CENPP: variants seen among roughly 807,000 people sequenced by gnomAD.
CENPP encodes the protein centromere protein P.
CENPP carries 24 observed loss-of-function variants against 35.6 expected under a neutral mutation model. The ratio of observed to expected loss-of-function variants is 0.67; its 90% CI spans 0.49 to 0.95. CENPP has a LOEUF of 0.95. CENPP is among the 40% of genes least tolerant of loss of function. The probability of loss-of-function intolerance (pLI) is 0.00; values close to 1 mark genes in which losing one functional copy is unlikely to be tolerated. For synonymous variants in CENPP, 120 were observed against 125.5 expected, an observed-to-expected ratio of 0.96 and a Z score of 0.29; for missense variants, 332 against 345.3, an observed-to-expected ratio of 0.96 and a Z score of 0.31.
intron 5 of CENPP, among the ~76,000 whole-genome samples, chr9:92,558,921 G>A (rs1022967094): frequency 6.6e-6 from 1 of 152,112 alleles, no homozygotes; most frequent in Non-Finnish European, 1.5e-5. Flanking sequence ...GGGGAAAGCC[G>A]GCAGTCACAG....
At chr9:92,373,725 C>G (rs1029159793) in intron 4 of CENPP, among the ~76,000 whole-genome samples, 1 of 152,084 alleles carries the variant, frequency 6.6e-6, no homozygotes, top group Admixed American at 6.5e-5. Flanking sequence ...ACTCGGGAGG[C>G]TGAGGCAAGA....
intron 5 of CENPP, among the ~76,000 whole-genome samples, chr9:92,603,132 A>C (rs1000816217): frequency 6.6e-6 from 1 of 152,216 alleles, no homozygotes; most frequent in Non-Finnish European, 1.5e-5. Flanking sequence ...AGAGAGTTTA[A>C]AAGGGATTTC....
chr9:92,619,804 G>A lies in CENPP; in HGVS notation c.*6655G>A, dbSNP rs1851569079. 4 of 544,288 alleles carry A rather than the reference G, an allele frequency of 7.3e-6. No individual in the cohort carries two copies. Among genetic ancestry groups the A allele is most frequent in the East Asian group, 3.0e-5 (1 of 33,118 alleles). The allele number at this position is 544,288 out of a possible 1,614,324, so 33.7% of individuals were successfully genotyped here. A position where few individuals can be genotyped will look rare whatever the true frequency, so the allele number is the denominator to read the frequency against. On this transcript the variant is annotated 3_prime_UTR_variant, in exon 8 of 8. Transcript: ENST00000375587. ...CCAGCACCGCCCCCTGACCTCTCAC[G>A]GCAAGCAGTGTGGGACCCCGACTCC... is the stretch of plus-strand genomic sequence containing the variant.
chr9:92,522,960 A>G, intron 5 of CENPP: 1 of 1,408,186 alleles, frequency 7.1e-7, no homozygotes, highest in Non-Finnish European at 9.4e-7. Context: ...TGGCTTATAT[A>G]TTTGCTTGTA....
At chr9:92,547,180 A>G (rs926452752) in intron 5 of CENPP, among the ~76,000 whole-genome samples, 12 of 152,256 alleles carry the variant, frequency 7.9e-5, no homozygotes, top group Non-Finnish European at 1.6e-4. Flanking sequence ...ATAAAATTCA[A>G]CAGCCATTAG....
chr9:92,386,022 T>C (rs1307439853), intron 5 of CENPP, among the ~76,000 whole-genome samples: 2 of 152,190 alleles, frequency 1.3e-5, no homozygotes, highest in Non-Finnish European at 2.9e-5. Flanking sequence ...GAATCTGGAC[T>C]TCTGGGAAGA....
At chr9:92,455,081 T>C (rs1019731344) in intron 5 of CENPP, among the ~76,000 whole-genome samples, 5 of 152,198 alleles carry the variant, frequency 3.3e-5, no homozygotes, top group Non-Finnish European at 5.9e-5. Context: ...TCTGGAGAAA[T>C]TGTTGTTTGT....
At chr9:92,382,247 C>T (rs534167534) in intron 5 of CENPP, among the ~76,000 whole-genome samples, 59 of 151,852 alleles carry the variant, frequency 3.9e-4, no homozygotes, top group African/African-American at 1.4e-3. Flanking sequence ...AATTTTTAAT[C>T]GACTAATAGT....
chr9:92,570,441 G>T (rs999145132), intron 5 of CENPP, among the ~76,000 whole-genome samples: 1 of 152,140 alleles, frequency 6.6e-6, no homozygotes, highest in Admixed American at 6.5e-5. Context: ...CTTGATCATG[G>T]TGGATAAGCT....
intron 4 of CENPP, among the ~76,000 whole-genome samples, chr9:92,352,419 C>A (rs900829003): frequency 1.6e-4 from 22 of 140,152 alleles, no homozygotes; most frequent in African/African-American, 5.0e-4. Flanking sequence ...TGAATCTGTC[C>A]CATTGAGAGA....
At chr9:92,554,413 C>T (rs1246908856) in intron 5 of CENPP, among the ~76,000 whole-genome samples, 1 of 152,118 alleles carries the variant, frequency 6.6e-6, no homozygotes, top group Non-Finnish European at 1.5e-5. Flanking sequence ...GAACTCCTGA[C>T]CTCAGGTGAT....
At chr9:92,392,944 CTT>C (rs1366910944) in intron 5 of CENPP, 4 of 624,644 alleles carry the variant, frequency 6.4e-6, no homozygotes, top group Non-Finnish European at 1.1e-5. Flanking sequence ...AATGAATGGA[CTT>C]TTGTGAAACA....
chr9:92,392,446 AC>A (rs759321554), intron 5 of CENPP, among the ~76,000 whole-genome samples: 4 of 152,086 alleles, frequency 2.6e-5, no homozygotes, highest in Non-Finnish European at 5.9e-5. Flanking sequence ...ACATGGTGAA[AC>A]CCCATCTCTA....
intron 5 of CENPP, among the ~76,000 whole-genome samples, chr9:92,390,594 G>GCGCA (rs1467854266): frequency 6.6e-6 from 1 of 152,104 alleles, no homozygotes; most frequent in African/African-American, 2.4e-5. Context: ...GTGTGCGCGC[G>GCGCA]CGCGTACTTG....
chr9:92,599,274 A>C (rs1850851332), intron 5 of CENPP, among the ~76,000 whole-genome samples: 1 of 151,808 alleles, frequency 6.6e-6, no homozygotes, highest in Non-Finnish European at 1.5e-5. Flanking sequence ...TGAAAAGAAA[A>C]AGAAAAAAGT....
intron 5 of CENPP, among the ~76,000 whole-genome samples, chr9:92,541,030 G>T (rs1297669865): frequency 1.3e-5 from 2 of 151,954 alleles, no homozygotes; most frequent in African/African-American, 2.4e-5. Context: ...GGGAGGCCGA[G>T]GTGGGCAGAT....
intron 5 of CENPP, among the ~76,000 whole-genome samples, chr9:92,471,544 A>G (rs770053482): frequency 6.6e-6 from 1 of 152,104 alleles, no homozygotes; most frequent in Non-Finnish European, 1.5e-5. Context: ...TAGAAAATGG[A>G]AAAATTAGAT....
intron 5 of CENPP, chr9:92,385,736 T>C (rs1842392076): frequency 6.2e-7 from 1 of 1,614,164 alleles, no homozygotes; most frequent in Non-Finnish European, 8.5e-7. Context: ...CGGATGTAAC[T>C]GGTGTCATTA....
chr9:92,509,631 TAAA>T (rs1385178953), intron 5 of CENPP, among the ~76,000 whole-genome samples: 1 of 152,202 alleles, frequency 6.6e-6, no homozygotes, highest in Non-Finnish European at 1.5e-5. Context: ...GGATTTGTAG[TAAA>T]TTTATTGCCT....
Sources: allele counts gnomAD v4.1 joint callset (sites outside exome capture counted in the v4.1 genomes callset), GRCh38; gene constraint gnomAD v4.1.1; transcripts MANE v1.5; gene names NCBI Gene and HGNC (gene_info 2026-07-23, HGNC 2026-07-21).